STON2: variants seen among roughly 807,000 people sequenced by gnomAD.
STON2 encodes the protein stonin-2.
A neutral mutation model predicts 65.7 loss-of-function variants in STON2; 29 were observed. That is an observed-to-expected ratio of 0.44 (90% CI 0.33 to 0.60). The LOEUF (loss-of-function observed/expected upper bound fraction) is 0.60. Ranked by LOEUF, STON2 falls within the 20% of genes least tolerant of loss-of-function variation. The probability of loss-of-function intolerance (pLI) is 0.03; values close to 1 mark genes in which losing one functional copy is unlikely to be tolerated. For synonymous variants in STON2, 404 were observed against 414.2 expected (o/e 0.98, Z 0.30); for missense variants, 1,054 against 1,118.1 (o/e 0.94, Z 0.82).
intron 6 of STON2, among the ~76,000 whole-genome samples, chr14:81,275,325 G>T (rs942423457): frequency 1.3e-5 from 2 of 152,036 alleles, no homozygotes; most frequent in African/African-American, 4.8e-5. Flanking sequence ...ATTAAGAAAA[G>T]GACCCTGGAT....
chr14:81,382,781 A>C (rs1267092625), intron 3 of STON2, among the ~76,000 whole-genome samples: 2 of 152,242 alleles, frequency 1.3e-5, no homozygotes, highest in African/African-American at 4.8e-5. Context: ...TATTTCACTT[A>C]ATGGTATTTG....
chr14:81,433,437 A>G (rs1298518203), intron 1 of STON2, among the ~76,000 whole-genome samples: 1 of 152,184 alleles, frequency 6.6e-6, no homozygotes, highest in East Asian at 1.9e-4. Flanking sequence ...GCCAATGGAT[A>G]AAGTCCCAAT....
At position 81,260,681 on chromosome 14, in the gene STON2, C is replaced by A. The variant is rs548635348; in HGVS notation, c.*7733G>T. 6.6e-6 allele frequency: 1 copy of A among 152,172 alleles called. No individual in the cohort carries two copies. The highest frequency in any genetic ancestry group is 2.4e-5 in the African/African-American group (1 of 41,422). The allele number at this position is 152,172 out of a possible 1,614,324, so 9.4% of individuals were successfully genotyped here. A position where few individuals can be genotyped will look rare whatever the true frequency, so the allele number is the denominator to read the frequency against. On this transcript the variant is annotated 3_prime_UTR_variant, in exon 8 of 8. Transcript: ENST00000614646. ...GTTCAAAAATTTTTTATTAATAATT[C>A]ATTTTCATAGCTCAGAAAAGGATAT...
Position 81,391,415 on chromosome 14 carries a change from G to C in STON2, c.373+4479C>G, listed in dbSNP as rs150945315. 1.7e-3 allele frequency among the ~76,000 whole-genome samples: 264 copies of C among 152,258 alleles called. 3 individuals carry two copies. The highest frequency in any genetic ancestry group is 6.0e-3 in the African/African-American group (248 of 41,540). On this transcript the variant is annotated intron_variant, in intron 3 of 7. Transcript: ENST00000614646. Reference sequence around the variant, plus strand: ...TGAATGGAATGACTGTGTAACTTGGGGAATGTCTACATTATCCATTATGTG... The same window carrying C: ...TGAATGGAATGACTGTGTAACTTGGCGAATGTCTACATTATCCATTATGTG...
intron 3 of STON2, among the ~76,000 whole-genome samples, chr14:81,375,225 AAATAAAACTATATC>A (rs1899195214): frequency 6.6e-6 from 1 of 152,142 alleles, no homozygotes; most frequent in African/African-American, 2.4e-5. Flanking sequence ...AAGAGGTTAG[AAATAAAACTATATC>A]AGTACTTAAA....
At chr14:81,388,826 G>A (rs1899945721) in intron 3 of STON2, among the ~76,000 whole-genome samples, 1 of 152,184 alleles carries the variant, frequency 6.6e-6, no homozygotes, top group South Asian at 2.1e-4. Context: ...CTCTGTGTGT[G>A]TTATGTGTGT....
At chr14:81,329,642 G>A (rs915949115) in intron 4 of STON2, among the ~76,000 whole-genome samples, 4 of 152,240 alleles carry the variant, frequency 2.6e-5, no homozygotes, top group South Asian at 2.1e-4. Context: ...ATACATTTCC[G>A]TTGTTTTCAG....
chr14:81,260,751 A>G lies in STON2; in HGVS notation c.*7663T>C, dbSNP rs949189192. The G allele has an allele frequency of 6.2e-4, 95 of 152,304 alleles. No homozygotes were observed. Among genetic ancestry groups the G allele is most frequent in the African/African-American group, 2.2e-3 (90 of 41,564 alleles). 9.4% of individuals were successfully genotyped at this position (152,304 alleles called of 1,614,324 possible). On this transcript the variant is annotated 3_prime_UTR_variant, in exon 8 of 8. Transcript: ENST00000614646. Reference sequence around the variant, plus strand: ...AACAAAACCTCACCTCTACAGAGATAGCCAGTGTGTAGACTTTATTACATA... The same window carrying G: ...AACAAAACCTCACCTCTACAGAGATGGCCAGTGTGTAGACTTTATTACATA...
chr14:81,408,417 A>G (rs1161846039), intron 2 of STON2, among the ~76,000 whole-genome samples: 1 of 152,196 alleles, frequency 6.6e-6, no homozygotes, highest in Non-Finnish European at 1.5e-5. Context: ...CAAATGTCAT[A>G]CTTTGACCAC....
intron 1 of STON2, among the ~76,000 whole-genome samples, chr14:81,434,936 G>A (rs1339620076): frequency 6.6e-6 from 1 of 152,084 alleles, no homozygotes; most frequent in Non-Finnish European, 1.5e-5. Context: ...CATTTTTGCT[G>A]TGTGGTTGAG....
intron 5 of STON2, among the ~76,000 whole-genome samples, chr14:81,307,647 T>C (rs1896232680): frequency 6.6e-6 from 1 of 152,242 alleles, no homozygotes; most frequent in African/African-American, 2.4e-5. Flanking sequence ...AATTTTCTTC[T>C]GCCTCTGCCA....
At position 81,264,185 on chromosome 14, in the gene STON2, A is replaced by G; in HGVS notation, c.*4229T>C. On this transcript the variant is annotated 3_prime_UTR_variant, in exon 8 of 8. Transcript: ENST00000614646. ...TGCTACTATGCTTTGGGGCACAAAA[A>G]TGTTTTTCAATGTGAATGAGGTACA... is the stretch of plus-strand genomic sequence containing the variant. 2.0e-6 allele frequency: 2 copies of G among 985,460 alleles called. No individual in the cohort carries two copies. Among genetic ancestry groups the G allele is most frequent in the Non-Finnish European group, 1.2e-6 (1 of 829,940 alleles). 61.0% of individuals were successfully genotyped at this position (985,460 alleles called of 1,614,324 possible).
rs1900299495 is a variant in STON2 at position 81,396,023 on chromosome 14, CT to C, written c.243del (p.Ala82LeufsTer47). 6.2e-7 allele frequency: 1 copy of C among 1,614,196 alleles called. No homozygotes were observed. The highest frequency in any genetic ancestry group is 2.2e-5 in the East Asian group (1 of 44,884). On this transcript the variant is annotated frameshift_variant, in exon 3 of 8. Transcript: ENST00000614646. LOFTEE classifies it high-confidence loss of function. ...SSEKMGLISE[A>X]ASPPGSPEQP... ...TGCTCAGGGCTCCCAGGTGGGGAAG[CT>C]GCTTCAGAGATGAGGCCCATCTTTT... is the stretch of plus-strand genomic sequence containing the variant.
At chr14:81,353,407 G>C (rs2140320644) in intron 4 of STON2, among the ~76,000 whole-genome samples, 1 of 152,286 alleles carries the variant, frequency 6.6e-6, no homozygotes, top group Non-Finnish European at 1.5e-5. Context: ...GAAGGTCCCA[G>C]CTTCACCACC....
chr14:81,385,221 C>T (rs1431025819), intron 3 of STON2, among the ~76,000 whole-genome samples: 1 of 152,238 alleles, frequency 6.6e-6, no homozygotes, highest in Admixed American at 6.5e-5. Flanking sequence ...TGAGCTTGCA[C>T]ATTCTCTGCA....
intron 2 of STON2, among the ~76,000 whole-genome samples, chr14:81,410,842 G>C (rs1027335412): frequency 2.0e-5 from 3 of 152,170 alleles, no homozygotes; most frequent in Non-Finnish European, 4.4e-5. Context: ...TCGGAGTCTA[G>C]GCAAAGCCTT....
At chr14:81,395,807 A>G in intron 3 of STON2, 87 bp downstream of exon 3, 1 of 1,390,394 alleles carries the variant, frequency 7.2e-7, no homozygotes, top group South Asian at 1.3e-5. Flanking sequence ...GGCAGATGAA[A>G]TGGAATCCTG....
rs1429037186 is a variant in STON2, at chr14:81,413,357, C to A, written c.-199+13745G>T. ...CTAAGGGAACACCTCGATGTTCGAA[C>A]CTTTATTGTGTTTTATACAGGGCAT... On this transcript the variant is annotated intron_variant, in intron 2 of 8. Coordinates refer to the STON2 transcript ENST00000553821. 1.4e-5 allele frequency: 11 copies of A among 793,854 alleles called. 1 individual carries two copies. The highest frequency in any genetic ancestry group is 2.1e-5 in the African/African-American group (1 of 46,594). 49.2% of individuals were successfully genotyped at this position (793,854 alleles called of 1,614,324 possible). A position where few individuals can be genotyped will look rare whatever the true frequency, so the allele number is the denominator to read the frequency against.
Position 81,268,420 on chromosome 14 carries a change from C to T in STON2, c.2862G>A (p.Val954=), listed in dbSNP as rs1894441284. The T allele has an allele frequency of 7.8e-7, 1 of 1,289,482 alleles. No homozygotes were observed. The highest frequency in any genetic ancestry group is 1.0e-6 in the Non-Finnish European group (1 of 988,720). 79.9% of individuals were successfully genotyped at this position (1,289,482 alleles called of 1,614,324 possible). A position where few individuals can be genotyped will look rare whatever the true frequency, so the allele number is the denominator to read the frequency against. ...TCCTTGCCGCAAGGCTTTGTCACTG[C>T]ACTCCACACTCCTTGGGATTTTCCA... The part of the protein sequence containing the change: ...DEMENPKECG[V]Q Residue 954 remains valine (V), a synonymous_variant, in exon 8 of 8, where the codon GTG becomes GTA. Coordinates refer to ENST00000614646, the MANE Select transcript of STON2 (RefSeq NM_001394390.1).
Sources: gnomAD v4.1 joint callset for allele counts (sites outside exome capture counted in the v4.1 genomes callset) on GRCh38, gnomAD v4.1.1 for gene constraint, MANE v1.5 for transcripts, NCBI Gene and HGNC (gene_info 2026-07-23, HGNC 2026-07-21) for gene names.